COL4A3: variants seen among roughly 807,000 people sequenced by gnomAD.
COL4A3 encodes the protein collagen type IV alpha 3 chain.
In COL4A3, 135 loss-of-function variants were observed where a neutral mutation model predicts 217.4. The ratio of observed to expected loss-of-function variants is 0.62; its 90% CI spans 0.54 to 0.72. COL4A3 has a LOEUF of 0.72. COL4A3 is among the 30% of genes least tolerant of loss of function. The pLI, the probability that COL4A3 is intolerant of heterozygous loss-of-function variation, is 0.00. For missense variants in COL4A3, 1,868 were observed against 2,119.9 expected, an observed-to-expected ratio of 0.88 and a Z score of 2.33; for synonymous variants, 690 against 736.3, an observed-to-expected ratio of 0.94 and a Z score of 1.02.
At chr2:227,300,224 T>C (rs1271956534) in intron 43 of COL4A3, among the ~76,000 whole-genome samples, 1 of 152,196 alleles carries the variant, frequency 6.6e-6, no homozygotes, top group Non-Finnish European at 1.5e-5. Context: ...AACATCACCA[T>C]TTTAGGAATC....
At chr2:227,294,073 T>A (rs1342401440) in intron 38 of COL4A3, 1 of 287,344 alleles carries the variant, frequency 3.5e-6, no homozygotes, top group Non-Finnish European at 6.7e-6. Context: ...CTGGATTGAA[T>A]TTTGGCTTTC....
chr2:227,280,692 A>G (rs2071899369), intron 30 of COL4A3, 102 bp downstream of exon 30: 4 of 1,358,010 alleles, frequency 2.9e-6, no homozygotes, highest in Non-Finnish European at 3.2e-6. Flanking sequence ...CTCCCATCCA[A>G]TGTTCCTGCC....
At chr2:227,294,675 G>C (rs1416980217) in intron 39 of COL4A3, 105 bp downstream of exon 39, 5 of 886,592 alleles carry the variant, frequency 5.6e-6, no homozygotes, top group Non-Finnish European at 7.5e-6. Context: ...GTAGCTCCTA[G>C]TTACTCAGTA....
intron 38 of COL4A3, chr2:227,293,818 G>A: frequency 2.1e-6 from 1 of 468,572 alleles, no homozygotes; most frequent in South Asian, 1.6e-5. Flanking sequence ...TTGGCTTGTG[G>A]ATGGCTATCT....
At chr2:227,239,452 G>T (rs932064227) in intron 2 of COL4A3, among the ~76,000 whole-genome samples, 4 of 152,132 alleles carry the variant, frequency 2.6e-5, no homozygotes, top group Non-Finnish European at 4.4e-5. Context: ...AGGGACAAAC[G>T]TAATTCCAAG....
At chr2:227,177,637 A>G (rs951606147) in intron 1 of COL4A3, among the ~76,000 whole-genome samples, 25 of 152,152 alleles carry the variant, frequency 1.6e-4, no homozygotes, top group African/African-American at 5.3e-4. Context: ...CCTGTGGTCA[A>G]TGGGTTCCAA....
At chr2:227,291,562 CAAAAAAAAAAAAAA>C (rs869289707) in intron 37 of COL4A3, among the ~76,000 whole-genome samples, 1 of 34,416 alleles carries the variant, frequency 2.9e-5, no homozygotes, top group Non-Finnish European at 5.7e-5. Flanking sequence ...GACTCCGTCT[CAAAAAAAAAAAAAA>C]AAACAAAAAA....
At chr2:227,266,359 A>T in intron 21 of COL4A3, 58 bp from the exon 22 acceptor site, 1 of 1,236,544 alleles carries the variant, frequency 8.1e-7, no homozygotes, top group African/African-American at 1.5e-5. Context: ...ATATTACAAT[A>T]CTTGCTAATT....
At chr2:227,195,448 A>T (rs2066428896) in intron 1 of COL4A3, among the ~76,000 whole-genome samples, 1 of 152,146 alleles carries the variant, frequency 6.6e-6, no homozygotes, top group Non-Finnish European at 1.5e-5. Flanking sequence ...TAGACTAGTG[A>T]TGTATAGCAG....
rs2106289464 is a variant in COL4A3, at chr2:227,309,262, AT to A, written c.4701del (p.Pro1568LeufsTer47). 1 of 1,614,202 alleles carries A rather than the reference AT, an allele frequency of 6.2e-7. No individual in the cohort carries two copies. The highest frequency in any genetic ancestry group is 8.5e-7 in the Non-Finnish European group (1 of 1,180,026). On this transcript the variant is annotated frameshift_variant, in exon 50 of 52. Transcript: ENST00000396578. LOFTEE classifies it high-confidence loss of function. ...AGCCGTTCACAGCCAAACCACTGAC[AT>A]TCCTCCATGTCCTCACGGCTGGATT... ...AIAVHSQTTD[I>X]PPCPHGWISL...
intron 8 of COL4A3, 142 bp downstream of exon 8, chr2:227,247,726 G>A: frequency 2.2e-6 from 2 of 900,062 alleles, no homozygotes; most frequent in Middle Eastern, 2.4e-4. Context: ...TAATAATCGG[G>A]ACATGATATT....
At chr2:227,294,358 C>A in intron 38 of COL4A3, 132 bp from the exon 39 acceptor site, 2 of 769,838 alleles carry the variant, frequency 2.6e-6, no homozygotes, top group Admixed American at 1.7e-5. Context: ...CATGGGGTGA[C>A]CTTGCAACAA....
rs542794432 is a variant in COL4A3 at position 227,284,487 on chromosome 2, G to A, written c.2881+142G>A. On this transcript the variant is annotated intron_variant, in intron 34 of 51. Coordinates refer to ENST00000396578, the MANE Select transcript of COL4A3 (RefSeq NM_000091.5). ...CTGCCCATCACACAGCCGGTTGGTG[G>A]CTGAGCAGGCCTTAGAACTGAGTCA... 9.0e-5 allele frequency: 82 copies of A among 910,936 alleles called. No homozygotes were observed. The Admixed American group carries it at 1.6e-3, about 18-fold the overall frequency. 56.4% of individuals were successfully genotyped at this position (910,936 alleles called of 1,614,324 possible).
rs35199710 is a variant in COL4A3, at chr2:227,220,136, ATGTG to A, written c.88-17806_88-17803del. Among the ~76,000 whole-genome samples, 1,211 of 127,084 alleles carry A rather than the reference ATGTG, an allele frequency of 9.5e-3. 10 individuals are homozygous for A. Among genetic ancestry groups the A allele is most frequent in the African/African-American group, 0.036 (1,088 of 30,208 alleles). 83.4% of individuals were successfully genotyped at this position (127,084 alleles called of 152,430 possible). Reference sequence around the variant, plus strand: ...GCTTCTTGTTTAATAAGGCGGTTTTATGTGTGTGTGTGTGTGTGTGTGTGTGTGT... The same window carrying A: ...GCTTCTTGTTTAATAAGGCGGTTTTATGTGTGTGTGTGTGTGTGTGTGTGT... On this transcript the variant is annotated intron_variant, in intron 1 of 51. Transcript: ENST00000396578.
rs557562163 is a variant in COL4A3, at chr2:227,284,120, G to T, written c.2747-91G>T. On this transcript the variant is annotated intron_variant, in intron 33 of 51. Coordinates refer to ENST00000396578, the MANE Select transcript of COL4A3 (RefSeq NM_000091.5). ...ACTGTTAGCCTTTTTTGTTTGATTTGTTCTGTTTTATAGTAAGCACTGCCA... is the reference window on the plus strand; with the variant it reads ...ACTGTTAGCCTTTTTTGTTTGATTTTTTCTGTTTTATAGTAAGCACTGCCA... 2.4e-5 allele frequency: 37 copies of T among 1,539,334 alleles called. No individual in the cohort carries two copies. The East Asian group carries it at 3.1e-4, about 13-fold the overall frequency.
At chr2:227,185,090 C>T (rs1324095716) in intron 1 of COL4A3, among the ~76,000 whole-genome samples, 6 of 151,934 alleles carry the variant, frequency 3.9e-5, no homozygotes, top group East Asian at 1.9e-4. Context: ...TTAGTGGAGA[C>T]GGGGTTTCAC....
At chr2:227,193,601 A>ACTTGGGCTG (rs1465241320) in intron 1 of COL4A3, among the ~76,000 whole-genome samples, 1 of 152,074 alleles carries the variant, frequency 6.6e-6, no homozygotes, top group Admixed American at 6.6e-5. Flanking sequence ...AATCCCAGCT[A>ACTTGGGCTG]CTTGGGAGGT....
At chr2:227,210,782 A>G (rs1198760009) in intron 1 of COL4A3, among the ~76,000 whole-genome samples, 1 of 152,154 alleles carries the variant, frequency 6.6e-6, no homozygotes, top group Non-Finnish European at 1.5e-5. Context: ...CTTTTATGTT[A>G]CCTATTTTCT....
At chr2:227,264,200 G>A (rs2070758250) in intron 21 of COL4A3, among the ~76,000 whole-genome samples, 1 of 152,210 alleles carries the variant, frequency 6.6e-6, no homozygotes, top group Non-Finnish European at 1.5e-5. Flanking sequence ...AGTGATGTGG[G>A]GAAGGATGGG....
Sources: gnomAD v4.1 joint callset for allele counts (sites outside exome capture counted in the v4.1 genomes callset) on GRCh38, gnomAD v4.1.1 for gene constraint, MANE v1.5 for transcripts, NCBI Gene and HGNC (gene_info 2026-07-23, HGNC 2026-07-21) for gene names.